The following SAP130 variants were observed in gnomAD, a reference collection of about 807,000 sequenced individuals.
SAP130 encodes histone deacetylase complex subunit SAP130.
In SAP130, 16 loss-of-function variants were observed where a neutral mutation model predicts 103.2. The observed-to-expected ratio is 0.16, with a 90% CI of 0.10 to 0.24. The LOEUF is 0.24. Ranked by LOEUF, SAP130 falls within the 10% of genes least tolerant of loss-of-function variation. SAP130 has a pLI of 1.00. For synonymous variants in SAP130, 477 were observed against 497.0 expected (o/e 0.96, Z 0.53); for missense variants, 990 against 1,359.7 (o/e 0.73, Z 4.28).
intron 7 of SAP130, among the ~76,000 whole-genome samples, chr2:128,000,897 C>T (rs987990432): frequency 2.6e-5 from 4 of 151,896 alleles, no homozygotes; most frequent in African/African-American, 9.7e-5. Context: ...AAGACCTTGT[C>T]TACATAAAAA....
At chr2:127,958,211 G>A (rs1226424788) in intron 15 of SAP130, among the ~76,000 whole-genome samples, 2 of 152,220 alleles carry the variant, frequency 1.3e-5, no homozygotes, top group Non-Finnish European at 2.9e-5. Context: ...TCAGGAGTTC[G>A]AGACCAGCCT....
chr2:127,949,765 G>A, intron 18 of SAP130, 104 bp downstream of exon 18: 2 of 1,250,320 alleles, frequency 1.6e-6, no homozygotes, highest in Middle Eastern at 2.1e-4. Context: ...AAAACTTATG[G>A]TTTTTTTGAA....
intron 2 of SAP130, 59 bp downstream of exon 2, chr2:128,026,122 A>G: frequency 8.6e-7 from 1 of 1,163,334 alleles, no homozygotes; most frequent in Non-Finnish European, 1.3e-6. Context: ...TTTTTAAGTT[A>G]GAAAACTGGT....
chr2:127,954,959 T>A, intron 16 of SAP130, 27 bp downstream of exon 16: 1 of 1,507,206 alleles, frequency 6.6e-7, no homozygotes, highest in Non-Finnish European at 9.1e-7. Flanking sequence ...CAATTGCCAA[T>A]GGAGAGTATT....
chr2:127,989,597 T>C lies in SAP130; in HGVS notation c.1747A>G (p.Thr583Ala). 1 of 1,613,930 alleles carries C rather than the reference T, an allele frequency of 6.2e-7. No homozygotes were observed. The highest frequency in any genetic ancestry group is 8.5e-7 in the Non-Finnish European group (1 of 1,179,796). Residue 583 changes from threonine to alanine, a missense_variant, in exon 13 of 21, where the codon ACT becomes GCT. Physicochemically the swap from Thr to Ala is moderately conservative, Grantham distance 58 (BLOSUM62 0). This residue lies in a region of SAP130 where 349 missense variants were observed against 384.1 expected (regional missense o/e 0.91). Transcript: ENST00000643581. This position sits in a 1 kb window ranked among gnomAD's most constrained non-coding sequence, Gnocchi z 4.6. ...TQGLQPAPMGTQQPQPEGKTS... is the reference protein window; with the variant it reads ...TQGLQPAPMGAQQPQPEGKTS... ...TTTCCTTCAGGCTGAGGCTGCTGAG[T>C]ACCCATAGGTGCAGGCTGAAGCCCT...
chr2:128,015,598 A>T (rs1684714066), intron 4 of SAP130, among the ~76,000 whole-genome samples: 1 of 152,194 alleles, frequency 6.6e-6, no homozygotes, highest in Non-Finnish European at 1.5e-5. Flanking sequence ...GCAGAGTAGG[A>T]TTGCAAAATT....
intron 15 of SAP130, among the ~76,000 whole-genome samples, chr2:127,958,152 C>T (rs547668998): frequency 2.0e-5 from 3 of 152,336 alleles, no homozygotes; most frequent in African/African-American, 4.8e-5. Flanking sequence ...CAGTGGCTCA[C>T]GCCTGTAATC....
At chr2:127,968,490 C>T (rs2917655) in intron 15 of SAP130, among the ~76,000 whole-genome samples, 119,420 of 144,472 alleles carry the variant, frequency 0.83, 49,962 homozygotes, top group Middle Eastern at 0.89. Flanking sequence ...ATCGCACCAC[C>T]GCACTCCAGC....
At chr2:127,993,745 T>A (rs111895873) in intron 11 of SAP130, among the ~76,000 whole-genome samples, 3 of 152,274 alleles carry the variant, frequency 2.0e-5, no homozygotes, top group African/African-American at 7.2e-5. Flanking sequence ...TGGGATCCAA[T>A]TTATTTTTAT....
rs1383502874 is a variant in SAP130 at position 127,980,906 on chromosome 2, C to CAACAACAAG, written c.1959-2818_1959-2817insCTTGTTGTT. 2.0e-5 allele frequency among the ~76,000 whole-genome samples: 3 copies of CAACAACAAG among 151,852 alleles called. No individual in the cohort carries two copies. In the East Asian group the frequency reaches 5.8e-4, roughly 29 times the overall value. ...AGTGAGACCCCCATCTCAACAACAA[C>CAACAACAAG]AACAACAAATTCATAGGCAATAATG... On this transcript the variant is annotated intron_variant, in intron 14 of 20. Transcript: ENST00000643581.
At chr2:127,978,164 T>C (rs1183955478) in intron 14 of SAP130, 75 bp from the exon 15 acceptor site, 1 of 1,080,046 alleles carries the variant, frequency 9.3e-7, no homozygotes, top group Admixed American at 2.0e-5. Context: ...AGGATGCACA[T>C]TTGCCAGGCA....
chr2:127,981,464 G>A (rs563200985), intron 14 of SAP130, among the ~76,000 whole-genome samples: 13 of 113,622 alleles, frequency 1.1e-4, no homozygotes, highest in Middle Eastern at 6.6e-3. Flanking sequence ...CCCCAACCTA[G>A]TCCTCCTGCA....
chr2:128,002,514 G>A lies in SAP130; in HGVS notation c.870-2060C>T, dbSNP rs952275058. Among the ~76,000 whole-genome samples the A allele has an allele frequency of 9.2e-5, 14 of 151,916 alleles. No individual in the cohort carries two copies. The East Asian group carries it at 2.5e-3, about 28-fold the overall frequency. On this transcript the variant is annotated intron_variant, in intron 7 of 20. Coordinates refer to ENST00000643581, the MANE Select transcript of SAP130 (RefSeq NM_001330301.2). The stretch of plus-strand genomic sequence containing the variant: ...ACTGCACTCTAGCCTGGGTGACAGC[G>A]CAAGAGTCTGTCTCAAAAAAATAAA...
Position 127,986,851 on chromosome 2 carries a change from G to A in SAP130, c.1892C>T (p.Thr631Ile). ...VVQTHSQSAS[T>I]NAPAQGSSPR... ...CGATGAGCCCTGGGCGGGAGCGTTGGTGCTAGCACTCTGGCTGTGGGTCTG... is the reference window on the plus strand; with the variant it reads ...CGATGAGCCCTGGGCGGGAGCGTTGATGCTAGCACTCTGGCTGTGGGTCTG... Residue 631 changes from threonine to isoleucine, a missense_variant, in exon 14 of 21, where the codon ACC becomes ATC. By Grantham distance (89) the Thr-to-Ile change is moderately conservative. Coordinates refer to ENST00000643581, the MANE Select transcript of SAP130 (RefSeq NM_001330301.2). This position sits in a 1 kb window ranked among gnomAD's most constrained non-coding sequence, Gnocchi z 4.7. 6.2e-7 allele frequency: 1 copy of A among 1,614,256 alleles called. No homozygotes were observed.
intron 7 of SAP130, among the ~76,000 whole-genome samples, chr2:128,005,804 G>A (rs1340240713): frequency 2.0e-5 from 3 of 151,926 alleles, no homozygotes; most frequent in Non-Finnish European, 4.4e-5. Flanking sequence ...CCGGCCCCAT[G>A]CCCAGCTGAC....
intron 17 of SAP130, 63 bp from the exon 18 acceptor site, chr2:127,950,057 CAGTA>C: frequency 6.2e-7 from 1 of 1,608,932 alleles, no homozygotes; most frequent in Admixed American, 1.7e-5. Flanking sequence ...AGTTCATTTC[CAGTA>C]AGTGAGGTAC....
chr2:127,955,010 T>C lies in SAP130; in HGVS notation c.2398A>G (p.Met800Val), dbSNP rs774966861. 6 of 1,612,388 alleles carry C rather than the reference T, an allele frequency of 3.7e-6. No homozygotes were observed. Among genetic ancestry groups the C allele is most frequent in the African/African-American group, 2.7e-5 (2 of 74,900 alleles). The part of the protein sequence containing the change: ...EIKVKEEVEP[M>V]DIMRPVSAVP... ...CCAGAAACTGGCCTCATGATATCCA[T>C]TGGTTCTACTTCTTCTTTCACTTTA... Residue 800 changes from methionine (M) to valine (V), a missense_variant, in exon 16 of 21, where the codon ATG (methionine) becomes GTG (valine). By Grantham distance (21) the Met-to-Val change is conservative (BLOSUM62 1). This residue lies in a region of SAP130 where 349 missense variants were observed against 384.1 expected (regional missense o/e 0.91). Coordinates refer to ENST00000643581, the MANE Select transcript of SAP130 (RefSeq NM_001330301.2). The surrounding 1 kb of genome is among the most constrained non-coding windows in gnomAD (Gnocchi z 4.9).
At chr2:127,959,271 A>C (rs1468050038) in intron 15 of SAP130, among the ~76,000 whole-genome samples, 2 of 151,986 alleles carry the variant, frequency 1.3e-5, no homozygotes, top group African/African-American at 4.8e-5. Flanking sequence ...GAGCAGAGAC[A>C]AAAAAAAGTC....
At chr2:127,945,128 T>C (rs1285969707) in intron 19 of SAP130, among the ~76,000 whole-genome samples, 1 of 152,126 alleles carries the variant, frequency 6.6e-6, no homozygotes, top group Non-Finnish European at 1.5e-5. Flanking sequence ...GGAGCAGAGT[T>C]GGGAGGAGGG....
Sources: allele counts gnomAD v4.1 joint callset (sites outside exome capture counted in the v4.1 genomes callset), GRCh38; gene constraint gnomAD v4.1.1; regional missense constraint gnomAD v4.1.1; non-coding constraint Gnocchi (gnomAD v3.1); transcripts MANE v1.5; gene names NCBI Gene and HGNC (gene_info 2026-07-23, HGNC 2026-07-21).